The following LRRC7 variants were observed in gnomAD, a reference collection of about 807,000 sequenced individuals.
LRRC7 encodes the protein leucine-rich repeat-containing protein 7.
LRRC7 carries 23 observed loss-of-function variants against 175.7 expected under a neutral mutation model. The observed-to-expected ratio is 0.13, with a 90% CI of 0.09 to 0.19. The LOEUF is 0.19. Among genes scored for constraint, LRRC7 ranks in the 10% least tolerant of loss-of-function variants. LRRC7 has a pLI of 1.00. For missense variants in LRRC7, 1,354 were observed against 1,904.7 expected (o/e 0.71, Z 5.38); for synonymous variants, 685 against 680.9 (o/e 1.01, Z -0.09).
chr1:70,000,555 C>T (rs929865446), intron 11 of LRRC7, among the ~76,000 whole-genome samples: 1 of 152,178 alleles, frequency 6.6e-6, no homozygotes, highest in Admixed American at 6.6e-5. Flanking sequence ...ATTCAGTAAT[C>T]GTACCACTCT....
intron 8 of LRRC7, among the ~76,000 whole-genome samples, chr1:69,977,985 T>G (rs1278205479): frequency 6.6e-6 from 1 of 151,950 alleles, no homozygotes; most frequent in Non-Finnish European, 1.5e-5. Flanking sequence ...CCTTGCCCAG[T>G]GGGCAGCCCG....
At chr1:69,618,262 G>T (rs768528523) in intron 1 of LRRC7, among the ~76,000 whole-genome samples, 1 of 152,112 alleles carries the variant, frequency 6.6e-6, no homozygotes, top group East Asian at 1.9e-4. Context: ...TTCATAGCCC[G>T]CATCTGGCTC....
At chr1:70,057,982 T>C (rs4650017) in intron 23 of LRRC7, among the ~76,000 whole-genome samples, 19,184 of 151,320 alleles carry the variant, frequency 0.13, 1,686 homozygotes, top group African/African-American at 0.24. Flanking sequence ...AGATTTTATT[T>C]CTCTCTTGCT....
At chr1:69,984,372 A>G (rs1570910031) in intron 9 of LRRC7, among the ~76,000 whole-genome samples, 1 of 152,304 alleles carries the variant, frequency 6.6e-6, no homozygotes, top group Middle Eastern at 3.4e-3. Context: ...GTGTGTATGT[A>G]ATAAATTTAT....
intron 3 of LRRC7, among the ~76,000 whole-genome samples, chr1:69,781,781 GAAA>G (rs1673666777): frequency 1.6e-5 from 1 of 63,586 alleles, no homozygotes; most frequent in Admixed American, 1.8e-4. Flanking sequence ...AAGAAAGAAA[GAAA>G]GAAAGGAAGG....
Position 69,883,685 on chromosome 1 carries a change from T to G in LRRC7, c.647+45402T>G, listed in dbSNP as rs1258187966. On this transcript the variant is annotated intron_variant, in intron 7 of 26. Coordinates refer to ENST00000651989, the MANE Select transcript of LRRC7 (RefSeq NM_001370785.2). ...TTTGGTGTTTTAGACATGAAGTCCT[T>G]GCCCATGCCTATGTCCGGAATGGTA... Among the ~76,000 whole-genome samples the G allele has an allele frequency of 3.0e-4, 29 of 97,618 alleles. 8 individuals carry two copies. Among genetic ancestry groups the G allele is most frequent in the Admixed American group, 1.6e-3 (15 of 9,316 alleles). The allele number at this position is 97,618 out of a possible 152,430, so 64.0% of individuals were successfully genotyped here.
At chr1:69,713,305 G>C (rs1324540691) in intron 2 of LRRC7, among the ~76,000 whole-genome samples, 3 of 150,088 alleles carry the variant, frequency 2.0e-5, no homozygotes, top group Non-Finnish European at 3.0e-5. Context: ...AGGAAGCATA[G>C]TGAGACTTGG....
At chr1:69,759,345 A>T (rs527269266) in intron 2 of LRRC7, among the ~76,000 whole-genome samples, 4 of 152,022 alleles carry the variant, frequency 2.6e-5, no homozygotes, top group Non-Finnish European at 5.9e-5. Context: ...GAAAGGCCTT[A>T]CTGTTTAGGA....
chr1:70,000,703 T>C (rs1436498463), intron 11 of LRRC7, among the ~76,000 whole-genome samples: 1 of 152,188 alleles, frequency 6.6e-6, no homozygotes. Context: ...TAAGGCTGAC[T>C]ACTTCACATC....
At position 70,136,721 on chromosome 1, in the gene LRRC7, CTTTTTTTTTTTT is replaced by C. The variant is rs1204650835; in HGVS notation, c.*14847_*14858del. Among the ~76,000 whole-genome samples the C allele has an allele frequency of 1.0e-5, 1 of 98,340 alleles. No homozygotes were observed. Among genetic ancestry groups the C allele is most frequent in the East Asian group, 2.9e-4 (1 of 3,390 alleles). 64.5% of individuals were successfully genotyped at this position (98,340 alleles called of 152,430 possible). ...TTCTGCTTTATTGCTTTTTTAATGC[CTTTTTTTTTTTT>C]TTTTTTTTTTTTCTGAGACAGGGTC... On this transcript the variant is annotated 3_prime_UTR_variant, in exon 27 of 27. Coordinates refer to ENST00000651989, the MANE Select transcript of LRRC7 (RefSeq NM_001370785.2).
chr1:69,683,021 G>C (rs1364253940), intron 2 of LRRC7, among the ~76,000 whole-genome samples: 1 of 152,060 alleles, frequency 6.6e-6, no homozygotes, highest in South Asian at 2.1e-4. Context: ...ACGTCTCTCT[G>C]TTCATCCCAA....
At chr1:70,078,798 G>GCACACACA (rs1327136403) in intron 24 of LRRC7, among the ~76,000 whole-genome samples, 11 of 101,272 alleles carry the variant, frequency 1.1e-4, no homozygotes, top group African/African-American at 6.8e-4. Flanking sequence ...ATATACGCGC[G>GCACACACA]CGCGCGCGCG....
intron 7 of LRRC7, among the ~76,000 whole-genome samples, chr1:69,906,855 T>C (rs922216228): frequency 5.9e-5 from 9 of 152,180 alleles, no homozygotes; most frequent in Admixed American, 1.3e-4. Context: ...TTGCGCAATA[T>C]GGCCATATTC....
chr1:70,059,567 C>T (rs1661422467), intron 23 of LRRC7, among the ~76,000 whole-genome samples: 1 of 149,146 alleles, frequency 6.7e-6, no homozygotes, highest in South Asian at 2.2e-4. Context: ...CCCACCCCAA[C>T]CCCAAATTGT....
At chr1:69,987,204 C>T (rs192140592) in intron 10 of LRRC7, among the ~76,000 whole-genome samples, 7 of 152,186 alleles carry the variant, frequency 4.6e-5, no homozygotes, top group South Asian at 4.1e-4. Context: ...GAGATTATGC[C>T]GCTGCACTCC....
chr1:70,075,369 G>C (rs1662696708), intron 23 of LRRC7, among the ~76,000 whole-genome samples: 1 of 152,104 alleles, frequency 6.6e-6, no homozygotes, highest in South Asian at 2.1e-4. Flanking sequence ...TTAAAGATGA[G>C]AGACCGCAGC....
At chr1:69,983,725 C>T (rs1290183813) in intron 9 of LRRC7, among the ~76,000 whole-genome samples, 2 of 152,126 alleles carry the variant, frequency 1.3e-5, no homozygotes, top group African/African-American at 4.8e-5. Context: ...TTCATCACAG[C>T]CCAACTTCTT....
chr1:69,954,188 G>T (rs1650255067), intron 8 of LRRC7, among the ~76,000 whole-genome samples: 1 of 152,046 alleles, frequency 6.6e-6, no homozygotes, highest in Non-Finnish European at 1.5e-5. Flanking sequence ...GGATAGGTGG[G>T]GAGGGGAGAG....
chr1:69,682,309 C>T (rs930698141), intron 2 of LRRC7, among the ~76,000 whole-genome samples: 5 of 152,008 alleles, frequency 3.3e-5, no homozygotes, highest in African/African-American at 1.2e-4. Context: ...ATTGCCTTTG[C>T]CATATTTTAT....
Sources: gnomAD v4.1 joint callset for allele counts (sites outside exome capture counted in the v4.1 genomes callset) on GRCh38, gnomAD v4.1.1 for gene constraint, MANE v1.5 for transcripts, NCBI Gene and HGNC (gene_info 2026-07-23, HGNC 2026-07-21) for gene names.